OR2T6: variants seen among roughly 807,000 people sequenced by gnomAD.
OR2T6 encodes the protein olfactory receptor family 2 subfamily T member 6, also known as olfactory receptor 2T6.
For synonymous variants in OR2T6, 174 were observed against 148.0 expected (o/e 1.18, Z -1.27); for missense variants, 424 against 391.6 (o/e 1.08, Z -0.70).
At chr1:248,384,386 G>A (rs61832941) in intron 1 of OR2T6, among the ~76,000 whole-genome samples, 1,790 of 13,790 alleles carry the variant, frequency 0.13, 42 homozygotes, top group Middle Eastern at 0.16. Context: ...TCCTATCCTG[G>A]TGTGTTTCCT....
rs1444357048 is a variant in OR2T6, at chr1:248,380,828, T to G, written c.-158-3883T>G. Among the ~76,000 whole-genome samples the G allele has an allele frequency of 5.3e-5, 8 of 151,766 alleles. No homozygotes were observed. In the East Asian group the frequency reaches 1.5e-3, roughly 29 times the overall value. On this transcript the variant is annotated intron_variant, in intron 1 of 2. Transcript: ENST00000641644. Reference sequence around the variant, plus strand: ...TTGTCCTATGGAAGCTAACTGAATATATTAAGCACATAATGCATTTCCATT... The same window carrying G: ...TTGTCCTATGGAAGCTAACTGAATAGATTAAGCACATAATGCATTTCCATT...
chr1:248,388,169 G>A lies in OR2T6; in HGVS notation c.561G>A (p.Leu187=). ...FFCEAPTMLR[L]ACGDKTTYET... is the part of the protein sequence containing the mutation. ...GTGAGGCACCCACCATGCTGAGGCTGGCCTGTGGGGACAAAACCACCTATG... is the reference window on the plus strand; with the variant it reads ...GTGAGGCACCCACCATGCTGAGGCTAGCCTGTGGGGACAAAACCACCTATG... The change falls in exon 3 of 3, where the codon CTG becomes CTA. Residue 187 remains leucine (L), a synonymous_variant. Coordinates refer to ENST00000641644, the MANE Select transcript of OR2T6 (RefSeq NM_001005471.2). 6.2e-7 allele frequency: 1 copy of A among 1,613,844 alleles called. No individual in the cohort carries two copies. The highest frequency in any genetic ancestry group is 8.5e-7 in the Non-Finnish European group (1 of 1,179,998).
At chr1:248,381,285 G>GA (rs34877793) in intron 1 of OR2T6, among the ~76,000 whole-genome samples, 36,321 of 148,852 alleles carry the variant, frequency 0.24, 5,032 homozygotes, top group Non-Finnish European at 0.31. Flanking sequence ...ATAGGCTCCA[G>GA]AAAAAAAAAA....
chr1:248,385,060 A>G (rs1230724505), intron 2 of OR2T6, among the ~76,000 whole-genome samples, 196 bp downstream of exon 2: 3 of 151,964 alleles, frequency 2.0e-5, no homozygotes, highest in African/African-American at 7.3e-5. Context: ...TACTTGCAAA[A>G]CTCTACCCTT....
Position 248,390,543 on chromosome 1 carries a change from A to G in OR2T6, c.*2008A>G, listed in dbSNP as rs1337969072. ...AGCTCAACTTGGCATTGGGCTGAGC[A>G]CTTAATCAAGAAAATAGACCAGGTC... On this transcript the variant is annotated 3_prime_UTR_variant, in exon 3 of 3. Transcript: ENST00000641644. The G allele has an allele frequency of 6.6e-6, 1 of 152,240 alleles. No individual in the cohort carries two copies. Among genetic ancestry groups the G allele is most frequent in the East Asian group, 1.9e-4 (1 of 5,200 alleles). The allele number at this position is 152,240 out of a possible 1,614,324, so 9.4% of individuals were successfully genotyped here.
chr1:248,386,791 C>G (rs1572870439), intron 2 of OR2T6, among the ~76,000 whole-genome samples: 2 of 152,170 alleles, frequency 1.3e-5, no homozygotes, highest in East Asian at 3.8e-4. Flanking sequence ...TAGGAACACC[C>G]TAGCCCTAAA....
chr1:248,379,065 C>T (rs535119823), intron 1 of OR2T6, among the ~76,000 whole-genome samples: 77 of 152,188 alleles, frequency 5.1e-4, no homozygotes, highest in African/African-American at 1.7e-3. Flanking sequence ...GTCCCAGCTA[C>T]GCAGGAGGCT....
chr1:248,376,841 G>T (rs1425054463), intron 1 of OR2T6, among the ~76,000 whole-genome samples: 2 of 151,870 alleles, frequency 1.3e-5, no homozygotes, highest in Non-Finnish European at 2.9e-5. Flanking sequence ...ATTTTCTGTT[G>T]TTGCCATCTT....
At chr1:248,386,129 C>T (rs994147453) in intron 2 of OR2T6, among the ~76,000 whole-genome samples, 3 of 152,216 alleles carry the variant, frequency 2.0e-5, no homozygotes, top group African/African-American at 7.2e-5. Flanking sequence ...GCTACATCAT[C>T]TGCCTCTCTG....
chr1:248,381,086 G>A (rs953469490), intron 1 of OR2T6, among the ~76,000 whole-genome samples: 5 of 151,848 alleles, frequency 3.3e-5, no homozygotes, highest in African/African-American at 1.2e-4. Flanking sequence ...TTCATCATAT[G>A]CTTCGCGTTA....
Position 248,388,731 on chromosome 1 carries a change from G to A in OR2T6, c.*196G>A. 1 of 470,288 alleles carries A rather than the reference G, an allele frequency of 2.1e-6. No individual in the cohort carries two copies. Among genetic ancestry groups the A allele is most frequent in the East Asian group, 3.0e-5 (1 of 32,964 alleles). The allele number at this position is 470,288 out of a possible 1,614,324, so 29.1% of individuals were successfully genotyped here. ...GCTGTAACAGTCACACACAAATAATGCCAGAGTTCTAGAAACACCACTCAT... is the reference window on the plus strand; with the variant it reads ...GCTGTAACAGTCACACACAAATAATACCAGAGTTCTAGAAACACCACTCAT... On this transcript the variant is annotated 3_prime_UTR_variant, in exon 3 of 3. Coordinates refer to ENST00000641644, the MANE Select transcript of OR2T6 (RefSeq NM_001005471.2).
intron 1 of OR2T6, among the ~76,000 whole-genome samples, chr1:248,379,634 G>A (rs1660999507): frequency 6.6e-6 from 1 of 152,096 alleles, no homozygotes; most frequent in Middle Eastern, 3.2e-3. Flanking sequence ...ATTTATATAT[G>A]TGAACTTGGT....
At chr1:248,377,392 T>C (rs1660954206) in intron 1 of OR2T6, among the ~76,000 whole-genome samples, 3 of 152,360 alleles carry the variant, frequency 2.0e-5, no homozygotes, top group Non-Finnish European at 4.4e-5. Context: ...AATTGATGTA[T>C]AGACCACCTA....
chr1:248,385,802 G>A lies in OR2T6; in HGVS notation c.-5+938G>A, dbSNP rs74153583. Among the ~76,000 whole-genome samples the A allele has an allele frequency of 5.9e-3, 902 of 152,288 alleles. 11 individuals are homozygous for A. The highest frequency in any genetic ancestry group is 0.021 in the African/African-American group (862 of 41,536). Reference sequence around the variant, plus strand: ...GCAATATTGCCTTCGGCAAGATATTGTGTGTCCTCATTATCAGCATTCTCT... The same window carrying A: ...GCAATATTGCCTTCGGCAAGATATTATGTGTCCTCATTATCAGCATTCTCT... On this transcript the variant is annotated intron_variant, in intron 2 of 2. Transcript: ENST00000641644.
intron 1 of OR2T6, among the ~76,000 whole-genome samples, chr1:248,378,347 C>T (rs1660973021): frequency 6.6e-6 from 1 of 152,278 alleles, no homozygotes; most frequent in Non-Finnish European, 1.5e-5. Context: ...GAGACTCAAA[C>T]ATCATAAAAA....
chr1:248,377,480 T>G (rs1660955972), intron 1 of OR2T6, among the ~76,000 whole-genome samples: 1 of 152,212 alleles, frequency 6.6e-6, no homozygotes, highest in Non-Finnish European at 1.5e-5. Flanking sequence ...GAGCTCATAT[T>G]ATATTTGAGG....
At chr1:248,385,764 G>A (rs986606923) in intron 2 of OR2T6, among the ~76,000 whole-genome samples, 3 of 152,206 alleles carry the variant, frequency 2.0e-5, no homozygotes, top group Admixed American at 6.5e-5. Flanking sequence ...TATACACACA[G>A]TAGCTAAGAA....
At chr1:248,383,677 AC>A (rs1431028427) in intron 1 of OR2T6, among the ~76,000 whole-genome samples, 15 of 117,352 alleles carry the variant, frequency 1.3e-4, no homozygotes, top group African/African-American at 4.7e-4. Flanking sequence ...AAAGCACTGC[AC>A]TAGCCTGAGT....
intron 1 of OR2T6, among the ~76,000 whole-genome samples, chr1:248,381,449 G>A (rs1661027182): frequency 6.6e-6 from 1 of 151,988 alleles, no homozygotes; most frequent in South Asian, 2.1e-4. Flanking sequence ...AATGTCTAGT[G>A]AATACTGGAT....
Sources: allele counts gnomAD v4.1 joint callset (sites outside exome capture counted in the v4.1 genomes callset), GRCh38; gene constraint gnomAD v4.1.1; transcripts MANE v1.5; gene names NCBI Gene and HGNC (gene_info 2026-07-23, HGNC 2026-07-21).